The following RMP64 variants were observed in gnomAD, a reference collection of about 807,000 sequenced individuals.
The protein encoded by RMP64 is ribonuclease MRP subunit p64.
chr3:113,009,900 A>C, the RMP64 span, among the ~76,000 whole-genome samples: 1 of 152,180 alleles, frequency 6.6e-6, no homozygotes, highest in African/African-American at 2.4e-5. Flanking sequence ...TATGTTTAAG[A>C]ATTCTTAAAT....
the RMP64 span, chr3:113,003,708 C>T: frequency 1.3e-5 from 2 of 151,280 alleles, no homozygotes; most frequent in Non-Finnish European, 3.0e-5. Flanking sequence ...CTGGTTTTTC[C>T]AATGAAAGAT....
chr3:113,019,393 G>A, the RMP64 span: 29 of 641,902 alleles, frequency 4.5e-5, no homozygotes, highest in Non-Finnish European at 7.1e-5. Context: ...GCAAAGTGCT[G>A]GGACCGCTCG....
chr3:113,007,135 A>C, the RMP64 span, among the ~76,000 whole-genome samples: 165 of 152,208 alleles, frequency 1.1e-3, 2 homozygotes, highest in African/African-American at 3.9e-3. Flanking sequence ...GCTTCTCTCC[A>C]TCTCAGGCTG....
the RMP64 span, chr3:113,011,135 C>A: frequency 6.2e-7 from 1 of 1,613,010 alleles, no homozygotes; most frequent in Non-Finnish European, 8.5e-7. Flanking sequence ...TTTGAAATTC[C>A]AAGCAAGGTT....
chr3:113,018,639 G>A, the RMP64 span, among the ~76,000 whole-genome samples: 3 of 152,172 alleles, frequency 2.0e-5, no homozygotes, highest in African/African-American at 7.2e-5. Context: ...AGCCCAACCG[G>A]AAACAAAGAA....
the RMP64 span, among the ~76,000 whole-genome samples, chr3:113,012,034 T>C: frequency 1.3e-5 from 2 of 152,204 alleles, no homozygotes; most frequent in African/African-American, 4.8e-5. Context: ...GAACTAATAA[T>C]CTTAATTGTT....
At chr3:113,013,440 A>T in the RMP64 span, 10 of 1,347,308 alleles carry the variant, frequency 7.4e-6, no homozygotes, top group South Asian at 2.7e-5. Flanking sequence ...ACTTTCACTT[A>T]AAAAAAAAGG....
chr3:113,006,237 A>G, the RMP64 span, among the ~76,000 whole-genome samples: 4 of 152,162 alleles, frequency 2.6e-5, no homozygotes, highest in Non-Finnish European at 5.9e-5. Flanking sequence ...TCAAACTCTC[A>G]AAAGTACAGC....
the RMP64 span, among the ~76,000 whole-genome samples, chr3:113,015,518 A>C: frequency 6.6e-6 from 1 of 152,112 alleles, no homozygotes; most frequent in East Asian, 1.9e-4. Context: ...GCAACTAGAG[A>C]TAGGGAAGTT....
At chr3:113,010,270 C>G in the RMP64 span, among the ~76,000 whole-genome samples, 49 of 152,210 alleles carry the variant, frequency 3.2e-4, no homozygotes, top group Admixed American at 3.1e-3. Flanking sequence ...AATAGAGGTA[C>G]GGAGAGATCA....
chr3:113,013,304 G>A, the RMP64 span: 1 of 1,613,892 alleles, frequency 6.2e-7, no homozygotes. Flanking sequence ...CCAACAAGCG[G>A]AGCAACAACT....
At chr3:113,010,745 T>C in the RMP64 span, 6 of 1,505,460 alleles carry the variant, frequency 4.0e-6, no homozygotes, top group South Asian at 3.5e-5. Context: ...ACCTTAGGCA[T>C]ACTATTTTCA....
the RMP64 span, chr3:113,005,273 A>G: frequency 4.3e-6 from 2 of 461,902 alleles, no homozygotes; most frequent in African/African-American, 2.0e-5. Context: ...TCAAGGAATT[A>G]CATCTGCTTC....
chr3:113,011,098 A>G, the RMP64 span: 2 of 1,612,626 alleles, frequency 1.2e-6, no homozygotes, highest in Non-Finnish European at 1.7e-6. Flanking sequence ...ATTATTCTGT[A>G]CATTGATCTT....
At chr3:113,013,208 C>G in the RMP64 span, 274 of 1,549,110 alleles carry the variant, frequency 1.8e-4, 4 homozygotes, top group South Asian at 3.0e-3. Flanking sequence ...AACAAAAATA[C>G]TGTTAAAAAT....
At chr3:113,007,029 A>C in the RMP64 span, among the ~76,000 whole-genome samples, 2 of 152,176 alleles carry the variant, frequency 1.3e-5, no homozygotes, top group Non-Finnish European at 2.9e-5. Flanking sequence ...GTAATGGTTT[A>C]ACCAATAAAC....
At chr3:113,017,435 C>T in the RMP64 span, 4 of 1,611,234 alleles carry the variant, frequency 2.5e-6, no homozygotes, top group Non-Finnish European at 3.4e-6. Flanking sequence ...TCTCACCTAC[C>T]GGGCTTCCTC....
the RMP64 span, chr3:113,013,119 A>G: frequency 1.3e-6 from 1 of 773,780 alleles, no homozygotes; most frequent in Non-Finnish European, 2.1e-6. Flanking sequence ...GCATCAGGCA[A>G]TTCCTGAGAA....
the RMP64 span, chr3:113,019,646 A>G: frequency 1.2e-6 from 2 of 1,612,114 alleles, no homozygotes; most frequent in Non-Finnish European, 1.7e-6. Context: ...CGCAGCCATC[A>G]TGCGAGGCGG....
Sources: allele counts gnomAD v4.1 joint callset (sites outside exome capture counted in the v4.1 genomes callset), GRCh38; gene constraint gnomAD v4.1.1; transcripts MANE v1.5; gene names NCBI Gene and HGNC (gene_info 2026-07-23, HGNC 2026-07-21).